The following KIAA1549L variants were observed in gnomAD, a reference collection of about 807,000 sequenced individuals.
KIAA1549L encodes UPF0606 protein KIAA1549L.
In KIAA1549L, 88 loss-of-function variants were observed where a neutral mutation model predicts 160.7. That is an observed-to-expected ratio of 0.55 (90% CI 0.46 to 0.65). The LOEUF (loss-of-function observed/expected upper bound fraction) is 0.65. KIAA1549L is among the 30% of genes least tolerant of loss of function. KIAA1549L has a pLI of 0.00. For missense variants in KIAA1549L, 2,258 were observed against 2,437.5 expected (o/e 0.93, Z 1.55); for synonymous variants, 950 against 976.7 (o/e 0.97, Z 0.51).
chr11:33,619,905 A>G (rs1272839437), intron 16 of KIAA1549L, among the ~76,000 whole-genome samples: 1 of 152,184 alleles, frequency 6.6e-6, no homozygotes, highest in Non-Finnish European at 1.5e-5. Context: ...CTTCCAGTTA[A>G]TCTTTCCCCA....
At chr11:33,408,085 T>A (rs1230249513) in intron 1 of KIAA1549L, among the ~76,000 whole-genome samples, 8 of 152,346 alleles carry the variant, frequency 5.3e-5, no homozygotes, top group African/African-American at 1.9e-4. Flanking sequence ...TGTTGTTTAA[T>A]TATCCGCTTT....
Position 33,544,946 on chromosome 11 carries a change from G to C in KIAA1549L, c.2953G>C (p.Val985Leu). 1.2e-6 allele frequency: 2 copies of C among 1,613,766 alleles called. No individual in the cohort carries two copies. The highest frequency in any genetic ancestry group is 1.7e-6 in the Non-Finnish European group (2 of 1,179,770). ...SSSMTTLAKN[V>L]TNKAASGPKR... The stretch of plus-strand genomic sequence containing the variant: ...TTCGATGACTACTCTTGCTAAAAAT[G>C]TCACAAACAAGGCCGCATCTGGCCC... The change falls in exon 3 of 21, where the codon GTC (valine) becomes CTC (leucine). Residue 985 changes from valine (V) to leucine (L), a missense_variant. Coordinates refer to ENST00000658780, the MANE Select transcript of KIAA1549L (RefSeq NM_012194.3).
At chr11:33,485,717 T>C (rs1852510028) in intron 1 of KIAA1549L, among the ~76,000 whole-genome samples, 1 of 152,220 alleles carries the variant, frequency 6.6e-6, no homozygotes, top group African/African-American at 2.4e-5. Flanking sequence ...TGTTTTACAA[T>C]AGATCTTCTG....
At chr11:33,510,128 G>A (rs1853190474) in intron 1 of KIAA1549L, among the ~76,000 whole-genome samples, 1 of 152,040 alleles carries the variant, frequency 6.6e-6, no homozygotes. Flanking sequence ...AGCAGGGCAG[G>A]ATCTCTCACT....
At chr11:33,558,934 A>G (rs1854745377) in intron 6 of KIAA1549L, among the ~76,000 whole-genome samples, 1 of 151,854 alleles carries the variant, frequency 6.6e-6, no homozygotes, top group South Asian at 2.1e-4. Flanking sequence ...ACTGGGTTCA[A>G]GCGATTCTCC....
intron 1 of KIAA1549L, among the ~76,000 whole-genome samples, chr11:33,432,638 C>A (rs1008528828): frequency 1.3e-5 from 2 of 152,034 alleles, no homozygotes; most frequent in Admixed American, 6.5e-5. Context: ...CAATTCTAAG[C>A]AAAAAGAACA....
At chr11:33,612,402 T>G (rs1850670711) in intron 15 of KIAA1549L, among the ~76,000 whole-genome samples, 1 of 152,088 alleles carries the variant, frequency 6.6e-6, no homozygotes, top group Admixed American at 6.6e-5. Flanking sequence ...GTAGCATCAG[T>G]GTATTAGGCC....
chr11:33,545,438 A>G (rs1333549156), intron 3 of KIAA1549L, 60 bp downstream of exon 3: 16 of 1,514,324 alleles, frequency 1.1e-5, no homozygotes, highest in Non-Finnish European at 1.4e-5. Flanking sequence ...TGTAACCATA[A>G]TGTTTATTTT....
intron 1 of KIAA1549L, among the ~76,000 whole-genome samples, chr11:33,397,558 A>G (rs1850403730): frequency 6.6e-6 from 1 of 150,520 alleles, no homozygotes; most frequent in South Asian, 2.1e-4. Context: ...AAAAAACTAC[A>G]AAAATTAGCC....
At chr11:33,582,478 T>A (rs1437999900) in intron 10 of KIAA1549L, among the ~76,000 whole-genome samples, 1 of 152,206 alleles carries the variant, frequency 6.6e-6, no homozygotes, top group East Asian at 1.9e-4. Context: ...GTTTGATGTA[T>A]AAACTAGATT....
At chr11:33,481,141 C>CA (rs1455837872) in intron 1 of KIAA1549L, among the ~76,000 whole-genome samples, 4 of 152,114 alleles carry the variant, frequency 2.6e-5, no homozygotes. Flanking sequence ...GTGGACCATT[C>CA]TTCTGTGGCC....
chr11:33,377,639 C>T (rs1364326889), intron 1 of KIAA1549L, among the ~76,000 whole-genome samples: 1 of 152,128 alleles, frequency 6.6e-6, no homozygotes, highest in Non-Finnish European at 1.5e-5. Flanking sequence ...TTACTGCCTG[C>T]ACTTGGAAAG....
intron 1 of KIAA1549L, among the ~76,000 whole-genome samples, chr11:33,501,058 A>G (rs990665745): frequency 6.6e-6 from 1 of 152,158 alleles, no homozygotes; most frequent in Non-Finnish European, 1.5e-5. Flanking sequence ...GTGCTGAAAC[A>G]TCACTGCCCA....
chr11:33,523,922 T>A (rs1469517372), intron 1 of KIAA1549L, among the ~76,000 whole-genome samples: 1 of 152,218 alleles, frequency 6.6e-6, no homozygotes, highest in African/African-American at 2.4e-5. Context: ...TTTATTTATG[T>A]ACATATTTTG....
At chr11:33,586,524 T>A (rs1452103836) in intron 11 of KIAA1549L, among the ~76,000 whole-genome samples, 1 of 152,160 alleles carries the variant, frequency 6.6e-6, no homozygotes, top group Non-Finnish European at 1.5e-5. Context: ...TGTACAGCCA[T>A]TTTTCTAGTT....
chr11:33,632,457 T>A (rs2133378459), intron 16 of KIAA1549L, among the ~76,000 whole-genome samples: 1 of 152,344 alleles, frequency 6.6e-6, no homozygotes. Context: ...GCCCCATCGA[T>A]GGAGCTGGGG....
intron 1 of KIAA1549L, among the ~76,000 whole-genome samples, chr11:33,432,351 A>G (rs1438655303): frequency 6.6e-6 from 1 of 152,194 alleles, no homozygotes; most frequent in Non-Finnish European, 1.5e-5. Flanking sequence ...ACTCATGGTG[A>G]CTTACAATTA....
Position 33,543,004 on chromosome 11 carries a change from C to A in KIAA1549L, c.1441C>A (p.Gln481Lys), listed in dbSNP as rs1453805803. Residue 481 changes from glutamine (Q) to lysine (K), a missense_variant, in exon 2 of 21, where the codon CAA (glutamine) becomes AAA (lysine). Transcript: ENST00000658780. ...VPSLHITTLG[Q>K]EQAILSGAVP... is the part of the protein sequence containing the mutation. ...TTCTCTGCATATCACCACACTGGGT[C>A]AAGAGCAAGCCATCCTTTCTGGGGC... is the stretch of plus-strand genomic sequence containing the variant. The A allele has an allele frequency of 6.2e-7, 1 of 1,613,884 alleles. No individual in the cohort carries two copies. The highest frequency in any genetic ancestry group is 8.5e-7 in the Non-Finnish European group (1 of 1,179,902).
intron 9 of KIAA1549L, 115 bp from the exon 10 acceptor site, chr11:33,574,587 C>A: frequency 2.2e-6 from 2 of 910,078 alleles, no homozygotes; most frequent in South Asian, 4.0e-5. Flanking sequence ...TGAAGGTTGG[C>A]GTCTAGCCAC....
Sources: allele counts gnomAD v4.1 joint callset (sites outside exome capture counted in the v4.1 genomes callset), GRCh38; gene constraint gnomAD v4.1.1; transcripts MANE v1.5; gene names NCBI Gene and HGNC (gene_info 2026-07-23, HGNC 2026-07-21).